Variants in CCDC97 observed in about 807,000 individuals in gnomAD.
CCDC97 encodes the protein coiled-coil domain containing 97.
In CCDC97, 27 loss-of-function variants were observed where a neutral mutation model predicts 33.9. The ratio of observed to expected loss-of-function variants is 0.80; its 90% CI spans 0.59 to 1.10. CCDC97 has a LOEUF of 1.10. CCDC97 is among the 50% of genes least tolerant of loss of function. The pLI is 0.00. For synonymous variants in CCDC97, 217 were observed against 194.0 expected (o/e 1.12, Z -0.99); for missense variants, 422 against 476.6 (o/e 0.89, Z 1.07).
At chr19:41,311,678 A>G (rs2037686793) in intron 1 of CCDC97, among the ~76,000 whole-genome samples, 1 of 152,026 alleles carries the variant, frequency 6.6e-6, no homozygotes. Flanking sequence ...CGGAGGTTGC[A>G]GTGAGCAGAG....
chr19:41,312,513 G>C (rs2037697977), intron 1 of CCDC97, among the ~76,000 whole-genome samples: 1 of 152,214 alleles, frequency 6.6e-6, no homozygotes, highest in African/African-American at 2.4e-5. Flanking sequence ...CTCTCAGGCT[G>C]CTCCTTCTCA....
At chr19:41,314,899 G>T (rs1191395396) in intron 1 of CCDC97, among the ~76,000 whole-genome samples, 1 of 152,096 alleles carries the variant, frequency 6.6e-6, no homozygotes, top group African/African-American at 2.4e-5. Flanking sequence ...CACTTTGGAA[G>T]ATCGAGGTGG....
chr19:41,319,773 G>GCAGCGTCTGCTCCAA lies in CCDC97; in HGVS notation c.707_721dup (p.Arg236_Gln240dup). On this transcript the variant is annotated inframe_insertion, in exon 3 of 5. Coordinates refer to ENST00000269967, the MANE Select transcript of CCDC97 (RefSeq NM_052848.3). Reference sequence around the variant, plus strand: ...AGTCCTACGAGGAGCGGGAGCTACAGCAGCGTCTGCTCCAACAGCAGGAGG... The same window carrying GCAGCGTCTGCTCCAA: ...AGTCCTACGAGGAGCGGGAGCTACAGCAGCGTCTGCTCCAACAGCGTCTGCTCCAACAGCAGGAGG... The GCAGCGTCTGCTCCAA allele has an allele frequency of 6.2e-7, 1 of 1,613,140 alleles. No homozygotes were observed.
At chr19:41,310,701 C>G in intron 1 of CCDC97, 1 of 1,184,022 alleles carries the variant, frequency 8.4e-7, no homozygotes, top group Non-Finnish European at 1.1e-6. Context: ...CTCAAATTAC[C>G]TCCTTCCCTG....
chr19:41,320,243 C>T (rs1454114414), intron 3 of CCDC97, 98 bp from the exon 4 acceptor site: 1 of 1,517,274 alleles, frequency 6.6e-7, no homozygotes, highest in East Asian at 2.3e-5. Context: ...CCACCCAGCG[C>T]AAGGCTGGGC....
chr19:41,311,150 GC>G (rs2037678936), intron 1 of CCDC97: 1 of 152,562 alleles, frequency 6.6e-6, no homozygotes, highest in African/African-American at 2.4e-5. Flanking sequence ...ACTTTGGGAG[GC>G]CAAGGCAGGA....
At position 41,312,968 on chromosome 19, in the gene CCDC97, C is replaced by T. The variant is rs374970862; in HGVS notation, c.46+2612C>T. 8.1e-4 allele frequency among the ~76,000 whole-genome samples: 123 copies of T among 152,102 alleles called. 2 individuals are homozygous for T. Among genetic ancestry groups the T allele is most frequent in the Middle Eastern group, 3.4e-3 (1 of 294 alleles). The stretch of plus-strand genomic sequence containing the variant: ...CTAATTTTTTGTATTTTTGGTAGAG[C>T]GCCATGTTGGCCAAGCTGGTCTTGA... On this transcript the variant is annotated intron_variant, in intron 1 of 4. Transcript: ENST00000269967.
intron 2 of CCDC97, among the ~76,000 whole-genome samples, chr19:41,319,101 G>C (rs548621477): frequency 6.6e-6 from 1 of 152,326 alleles, no homozygotes; most frequent in African/African-American, 2.4e-5. Flanking sequence ...AGGAGCTTGT[G>C]CATCGTGCCT....
intron 1 of CCDC97, chr19:41,310,672 T>G: frequency 7.7e-7 from 1 of 1,293,352 alleles, no homozygotes; most frequent in Non-Finnish European, 9.9e-7. Context: ...AATTCCTGCA[T>G]TGCCTCAGAC....
At chr19:41,314,912 G>A (rs962147483) in intron 1 of CCDC97, among the ~76,000 whole-genome samples, 5 of 152,034 alleles carry the variant, frequency 3.3e-5, no homozygotes, top group African/African-American at 1.2e-4. Flanking sequence ...CGAGGTGGGA[G>A]GATTGCCTGA....
rs1419362990 is a variant in CCDC97, at chr19:41,323,529, G to C, written c.*814G>C. ...GAGACCCCAGGCAGGGAGGATGGGG[G>C]CAGCTCTCTTCTCTCCCCAGGACCC... On this transcript the variant is annotated 3_prime_UTR_variant, in exon 5 of 5. Coordinates refer to ENST00000269967, the MANE Select transcript of CCDC97 (RefSeq NM_052848.3). The C allele has an allele frequency of 6.5e-6, 1 of 153,120 alleles. No homozygotes were observed. Among genetic ancestry groups the C allele is most frequent in the Non-Finnish European group, 1.5e-5 (1 of 68,486 alleles). The allele number at this position is 153,120 out of a possible 1,614,324, so 9.5% of individuals were successfully genotyped here. A position where few individuals can be genotyped will look rare whatever the true frequency, so the allele number is the denominator to read the frequency against.
rs1252647493 is a variant in CCDC97, at chr19:41,310,274, G to C, written c.-37G>C. The C allele has an allele frequency of 1.3e-6, 2 of 1,577,368 alleles. No individual in the cohort carries two copies. The highest frequency in any genetic ancestry group is 1.7e-4 in the Middle Eastern group (1 of 5,998). On this transcript the variant is annotated 5_prime_UTR_variant, in exon 1 of 5. Coordinates refer to ENST00000269967, the MANE Select transcript of CCDC97 (RefSeq NM_052848.3). The stretch of plus-strand genomic sequence containing the variant: ...GCGTGGGCCGGAGGTTAGTGTGCGG[G>C]GCCCGCCGGGCGGTTGAAAAGTCCG...
chr19:41,311,508 A>G (rs1166396149), intron 1 of CCDC97, among the ~76,000 whole-genome samples: 1 of 152,054 alleles, frequency 6.6e-6, no homozygotes, highest in Non-Finnish European at 1.5e-5. Context: ...GGAGGCAGGA[A>G]GATCACCTCA....
At chr19:41,310,791 C>T (rs1239287749) in intron 1 of CCDC97, 10 of 1,004,146 alleles carry the variant, frequency 1.0e-5, no homozygotes, top group South Asian at 4.4e-5. Context: ...CTCATGCAAA[C>T]TTATCCCAAT....
chr19:41,320,646 G>A (rs761478099), intron 4 of CCDC97, 176 bp downstream of exon 4: 3 of 706,172 alleles, frequency 4.2e-6, no homozygotes, highest in East Asian at 2.8e-5. Context: ...CCTCGGACTA[G>A]CCTTGTCCAT....
intron 1 of CCDC97, among the ~76,000 whole-genome samples, chr19:41,315,856 G>A (rs1466110853): frequency 6.6e-6 from 1 of 152,074 alleles, no homozygotes; most frequent in Non-Finnish European, 1.5e-5. Flanking sequence ...CACTTTGGGA[G>A]GCCAAGGCAG....
chr19:41,322,613 C>T lies in CCDC97; in HGVS notation c.930C>T (p.Pro310=). Residue 310 remains proline (P), a synonymous_variant, in exon 5 of 5, where the codon CCC becomes CCT. Transcript: ENST00000269967. ...CCTGCAGCACAGTAGACGACAACCC[C>T]GACTTCGACAACCTCGACATCGTGG... is the stretch of plus-strand genomic sequence containing the variant. The part of the protein sequence containing the change: ...DFDYSTVDDN[P]DFDNLDIVAR... 3 of 1,613,658 alleles carry T rather than the reference C, an allele frequency of 1.9e-6. No homozygotes were observed. Among genetic ancestry groups the T allele is most frequent in the Non-Finnish European group, 2.5e-6 (3 of 1,179,736 alleles).
intron 4 of CCDC97, 151 bp downstream of exon 4, chr19:41,320,621 G>A: frequency 2.1e-6 from 2 of 972,962 alleles, no homozygotes; most frequent in Non-Finnish European, 3.0e-6. Context: ...ACAGCCAAAG[G>A]AAGAGGCTGG....
intron 2 of CCDC97, 32 bp downstream of exon 2, chr19:41,316,871 A>C: frequency 6.6e-7 from 1 of 1,504,568 alleles, no homozygotes; most frequent in Non-Finnish European, 9.1e-7. Flanking sequence ...CAGTGGGCAC[A>C]TATGGGGAGG....
Sources: allele counts gnomAD v4.1 joint callset (sites outside exome capture counted in the v4.1 genomes callset), GRCh38; gene constraint gnomAD v4.1.1; transcripts MANE v1.5; gene names NCBI Gene and HGNC (gene_info 2026-07-23, HGNC 2026-07-21).